CRPPA: variants seen among roughly 807,000 people sequenced by gnomAD.
CRPPA encodes CDP-L-ribitol pyrophosphorylase A.
A neutral mutation model predicts 52.0 loss-of-function variants in CRPPA; 43 were observed. That is an observed-to-expected ratio of 0.83 (90% CI 0.65 to 1.07). The LOEUF (loss-of-function observed/expected upper bound fraction) is 1.07, where lower values mean the gene tolerates loss of function less well. Ranked by LOEUF, CRPPA falls within the 50% of genes least tolerant of loss-of-function variation. The probability of loss-of-function intolerance (pLI) is 0.00; values close to 1 mark genes in which losing one functional copy is unlikely to be tolerated. For synonymous variants in CRPPA, 250 were observed against 203.5 expected (o/e 1.23, Z -1.94); for missense variants, 629 against 551.7 (o/e 1.14, Z -1.40).
chr7:16,371,440 G>A (rs1243954067), intron 3 of CRPPA, among the ~76,000 whole-genome samples: 1 of 151,734 alleles, frequency 6.6e-6, no homozygotes, highest in Non-Finnish European at 1.5e-5. Flanking sequence ...CTATAACTCA[G>A]GAACTCATGC....
intron 8 of CRPPA, among the ~76,000 whole-genome samples, chr7:16,233,904 G>A (rs1465689412): frequency 6.6e-6 from 1 of 152,064 alleles, no homozygotes; most frequent in African/African-American, 2.4e-5. Flanking sequence ...AAGGGTAGAG[G>A]CTATTCACTT....
chr7:16,321,535 C>T (rs1452257139), intron 3 of CRPPA, among the ~76,000 whole-genome samples: 2 of 152,094 alleles, frequency 1.3e-5, no homozygotes, highest in Non-Finnish European at 1.5e-5. Context: ...CATTACAATG[C>T]TGTTGGCCAT....
chr7:16,203,141 C>A (rs1344265553), intron 9 of CRPPA, among the ~76,000 whole-genome samples: 1 of 152,168 alleles, frequency 6.6e-6, no homozygotes, highest in African/African-American at 2.4e-5. Context: ...AATTAGCAAA[C>A]AAATATCCAC....
chr7:16,191,992 T>G lies in CRPPA; in HGVS notation c.1251+24074A>C, dbSNP rs116878167. On this transcript the variant is annotated intron_variant, in intron 9 of 9. Transcript: ENST00000407010. ...CTAAAACAATGCCTGGCATAGTGAA[T>G]TTTTTAACGATTTAATCTTTGACAA... Among the ~76,000 whole-genome samples the G allele has an allele frequency of 9.9e-4, 151 of 152,252 alleles. 1 individual carries two copies. The East Asian group carries it at 0.023, about 23-fold the overall frequency.
At chr7:16,110,989 G>A (rs984911617) in intron 9 of CRPPA, among the ~76,000 whole-genome samples, 2 of 152,004 alleles carry the variant, frequency 1.3e-5, no homozygotes, top group Admixed American at 6.6e-5. Flanking sequence ...ACAATCTACA[G>A]ATTGGGAGAA....
chr7:16,103,582 C>T lies in CRPPA; in HGVS notation c.1252-11783G>A, dbSNP rs142992185. On this transcript the variant is annotated intron_variant, in intron 9 of 9. Transcript: ENST00000407010. Reference sequence around the variant, plus strand: ...GTGTCAAAAACTAGGAATTTGTACTCCATGATTCTTCCTCCTATGAAAAAA... The same window carrying T: ...GTGTCAAAAACTAGGAATTTGTACTTCATGATTCTTCCTCCTATGAAAAAA... 6.0e-3 allele frequency among the ~76,000 whole-genome samples: 908 copies of T among 152,270 alleles called. 9 individuals are homozygous for T. The highest frequency in any genetic ancestry group is 0.021 in the African/African-American group (865 of 41,556).
chr7:16,168,574 CA>C (rs1781115408), intron 9 of CRPPA, among the ~76,000 whole-genome samples: 3 of 131,964 alleles, frequency 2.3e-5, no homozygotes, highest in Admixed American at 7.8e-5. Context: ...CACACACACA[CA>C]CACCATTAAC....
In CRPPA at chr7:16,411,044, T is replaced by A. The variant is rs564691780; in HGVS notation, c.258-4707A>T. 5.0e-4 allele frequency among the ~76,000 whole-genome samples: 76 copies of A among 152,338 alleles called. No individual in the cohort carries two copies. In the South Asian group the frequency reaches 0.015, roughly 30 times the overall value. On this transcript the variant is annotated intron_variant, in intron 1 of 9. Coordinates refer to ENST00000407010, the MANE Select transcript of CRPPA (RefSeq NM_001101426.4). ...GCCAACTCATAGAAAGCAAAAACTA[T>A]GTCCCAGAACTTAGCACATACTCAA...
intron 3 of CRPPA, among the ~76,000 whole-genome samples, chr7:16,366,115 T>G (rs1289489004): frequency 6.6e-6 from 1 of 152,220 alleles, no homozygotes; most frequent in Non-Finnish European, 1.5e-5. Context: ...AGATAGCACC[T>G]TCTTGTTGCA....
chr7:16,107,076 TGAA>T (rs1351319644), intron 9 of CRPPA, among the ~76,000 whole-genome samples: 6 of 151,536 alleles, frequency 4.0e-5, no homozygotes, highest in Admixed American at 2.0e-4. Flanking sequence ...ATACAGTTAG[TGAA>T]GAAGAACACA....
chr7:16,115,185 T>C (rs1003224421), intron 9 of CRPPA, among the ~76,000 whole-genome samples: 3 of 152,110 alleles, frequency 2.0e-5, no homozygotes, highest in East Asian at 1.9e-4. Context: ...ATTTGGAAAT[T>C]AGTATTTTGA....
intron 8 of CRPPA, among the ~76,000 whole-genome samples, chr7:16,221,882 G>C (rs1295766081): frequency 6.6e-6 from 1 of 151,470 alleles, no homozygotes; most frequent in Non-Finnish European, 1.5e-5. Flanking sequence ...GTGGAAGTCA[G>C]TGTGGCGATT....
chr7:16,367,772 G>A (rs774245445), intron 3 of CRPPA, among the ~76,000 whole-genome samples: 12 of 152,084 alleles, frequency 7.9e-5, no homozygotes, highest in South Asian at 2.1e-4. Flanking sequence ...GATAAGCGAC[G>A]GGAATCTTTA....
At position 16,088,354 on chromosome 7, in the gene CRPPA, A is replaced by C. The variant is rs1781738808; in HGVS notation, c.*3341T>G. ...AAGTGAGAATAGACAGCTTTTACTA[A>C]AGTAAATTTACAGAAGCAGTGATGA... On this transcript the variant is annotated 3_prime_UTR_variant, in exon 10 of 10. Transcript: ENST00000407010. 6.6e-6 allele frequency: 1 copy of C among 151,962 alleles called. No individual in the cohort carries two copies. Among genetic ancestry groups the C allele is most frequent in the South Asian group, 2.1e-4 (1 of 4,830 alleles). 9.4% of individuals were successfully genotyped at this position (151,962 alleles called of 1,614,324 possible).
At chr7:16,249,338 A>G (rs915873642) in intron 8 of CRPPA, among the ~76,000 whole-genome samples, 1 of 152,142 alleles carries the variant, frequency 6.6e-6, no homozygotes, top group African/African-American at 2.4e-5. Flanking sequence ...GATGGCTCTG[A>G]AGAGAGCAGT....
intron 9 of CRPPA, among the ~76,000 whole-genome samples, chr7:16,114,954 T>C (rs1365612619): frequency 6.6e-6 from 1 of 151,966 alleles, no homozygotes; most frequent in Non-Finnish European, 1.5e-5. Flanking sequence ...ACTCCCCTGC[T>C]CTCCAAAAAA....
rs142123210 is a variant in CRPPA at position 16,210,291 on chromosome 7, C to G, written c.1251+5775G>C. Among the ~76,000 whole-genome samples the G allele has an allele frequency of 1.6e-3, 251 of 152,258 alleles. 1 individual carries two copies. Among genetic ancestry groups the G allele is most frequent in the Non-Finnish European group, 2.5e-3 (171 of 68,020 alleles). On this transcript the variant is annotated intron_variant, in intron 9 of 9. Coordinates refer to ENST00000407010, the MANE Select transcript of CRPPA (RefSeq NM_001101426.4). ...ATACTTAGCCTACAATATCTGCACT[C>G]CAGTGTTAGTGTGGTAGGCAGCATT...
At chr7:16,375,255 C>A (rs567916916) in intron 3 of CRPPA, among the ~76,000 whole-genome samples, 1 of 152,136 alleles carries the variant, frequency 6.6e-6, no homozygotes. Context: ...TATCCCCTTA[C>A]CTAATTCTTC....
intron 9 of CRPPA, among the ~76,000 whole-genome samples, chr7:16,124,877 AT>A (rs1782545788): frequency 1.6e-5 from 2 of 125,544 alleles, no homozygotes; most frequent in Non-Finnish European, 3.3e-5. Context: ...ATAAAAAAAT[AT>A]ATATAATCTC....
Sources: allele counts gnomAD v4.1 joint callset (sites outside exome capture counted in the v4.1 genomes callset), GRCh38; gene constraint gnomAD v4.1.1; transcripts MANE v1.5; gene names NCBI Gene and HGNC (gene_info 2026-07-23, HGNC 2026-07-21).